The following WWP2 variants were observed in gnomAD, a reference collection of about 807,000 sequenced individuals.
WWP2 encodes NEDD4-like E3 ubiquitin-protein ligase WWP2.
In WWP2, 57 loss-of-function variants were observed where a neutral mutation model predicts 121.0. That is an observed-to-expected ratio of 0.47 (90% CI 0.38 to 0.59). WWP2 has a LOEUF of 0.59. Among genes scored for constraint, WWP2 ranks in the 20% least tolerant of loss-of-function variants. The probability of loss-of-function intolerance (pLI) is 0.00; values close to 1 mark genes in which losing one functional copy is unlikely to be tolerated. For missense variants in WWP2, 962 were observed against 1,158.9 expected, an observed-to-expected ratio of 0.83 and a Z score of 2.47; for synonymous variants, 449 against 441.3, an observed-to-expected ratio of 1.02 and a Z score of -0.22.
chr16:69,885,961 C>T (rs984958471), intron 7 of WWP2, among the ~76,000 whole-genome samples: 1 of 152,096 alleles, frequency 6.6e-6, no homozygotes, highest in African/African-American at 2.4e-5. Flanking sequence ...CTAGAAGAGG[C>T]AGTAGATGAT....
At position 69,931,054 on chromosome 16, in the gene WWP2, A is replaced by G. The variant is rs1412859060; in HGVS notation, c.1446-98A>G. On this transcript the variant is annotated intron_variant, in intron 13 of 23. Coordinates refer to ENST00000359154, the MANE Select transcript of WWP2 (RefSeq NM_001270454.2). ...TCCTCACCTTACATTACTAATCTTT[A>G]AATTAACATAGCACCAGCTTTCCTT... 3 of 1,166,474 alleles carry G rather than the reference A, an allele frequency of 2.6e-6. No homozygotes were observed. The Admixed American group carries it at 5.9e-5, about 23-fold the overall frequency. 72.3% of individuals were successfully genotyped at this position (1,166,474 alleles called of 1,614,324 possible). A position where few individuals can be genotyped will look rare whatever the true frequency, so the allele number is the denominator to read the frequency against.
intron 9 of WWP2, chr16:69,910,496 A>G (rs1331443513): frequency 1.0e-5 from 4 of 394,250 alleles, no homozygotes; most frequent in African/African-American, 9.0e-5. Flanking sequence ...TGCAACCTCC[A>G]CCTCCTGGGT....
intron 11 of WWP2, among the ~76,000 whole-genome samples, chr16:69,927,577 G>T (rs1215450320): frequency 6.6e-6 from 1 of 152,268 alleles, no homozygotes; most frequent in Non-Finnish European, 1.5e-5. Flanking sequence ...CAGCAGCAGT[G>T]CCAGAAATGA....
rs200391227 is a variant in WWP2, at chr16:69,931,792, G to C, written c.1594-10G>C. The C allele has an allele frequency of 3.3e-5, 53 of 1,613,432 alleles. No homozygotes were observed. Among genetic ancestry groups the C allele is most frequent in the Non-Finnish European group, 3.8e-5 (45 of 1,179,944 alleles). ...GAGTGGCAGGCTGGCCCGATGCTCTGTCTTCCCAGATCATGAACATGAAAC... is the reference window on the plus strand; with the variant it reads ...GAGTGGCAGGCTGGCCCGATGCTCTCTCTTCCCAGATCATGAACATGAAAC... On this transcript the variant is annotated splice_polypyrimidine_tract_variant and intron_variant, in intron 15 of 23. Transcript: ENST00000359154.
intron 6 of WWP2, among the ~76,000 whole-genome samples, chr16:69,852,438 A>AT (rs899752585): frequency 6.6e-6 from 1 of 151,804 alleles, no homozygotes; most frequent in East Asian, 1.9e-4. Context: ...CGCCCAGCTA[A>AT]TTTTTTTGTA....
Position 69,818,002 on chromosome 16 carries a change from T to A in WWP2, c.340+18707T>A, listed in dbSNP as rs117381867. Among the ~76,000 whole-genome samples, 11 of 152,218 alleles carry A rather than the reference T, an allele frequency of 7.2e-5. No individual in the cohort carries two copies. The East Asian group carries it at 2.1e-3, about 29-fold the overall frequency. Reference sequence around the variant, plus strand: ...AGGTGGGCGTGTTTCAAGTTTTTGATGCCTGCTGCCTGTGTCCATGGCAGA... The same window carrying A: ...AGGTGGGCGTGTTTCAAGTTTTTGAAGCCTGCTGCCTGTGTCCATGGCAGA... On this transcript the variant is annotated intron_variant, in intron 4 of 23. Transcript: ENST00000359154.
intron 6 of WWP2, among the ~76,000 whole-genome samples, chr16:69,856,289 G>A (rs528511606): frequency 2.0e-5 from 3 of 152,264 alleles, no homozygotes; most frequent in African/African-American, 7.2e-5. Context: ...ATCTGAAGAT[G>A]TGGGGGCATT....
At chr16:69,769,316 CAAAAAAAAAAAA>C (rs1186524809) in intron 1 of WWP2, among the ~76,000 whole-genome samples, 5 of 76,400 alleles carry the variant, frequency 6.5e-5, no homozygotes, top group African/African-American at 2.3e-4. Context: ...GACTCCATCT[CAAAAAAAAAAAA>C]AAAAAAAAAA....
chr16:69,864,061 C>A (rs1250554503), intron 6 of WWP2, among the ~76,000 whole-genome samples: 2 of 152,146 alleles, frequency 1.3e-5, no homozygotes, highest in Non-Finnish European at 2.9e-5. Flanking sequence ...TTTCATTTCT[C>A]ATGGGTAAAT....
At chr16:69,764,661 ATATT>A (rs1476762222) in intron 1 of WWP2, among the ~76,000 whole-genome samples, 4 of 152,192 alleles carry the variant, frequency 2.6e-5, no homozygotes, top group African/African-American at 7.2e-5. Context: ...CATTCAGTGA[ATATT>A]TATAAGTACC....
At chr16:69,899,233 C>T (rs1041469142) in intron 8 of WWP2, among the ~76,000 whole-genome samples, 3 of 152,098 alleles carry the variant, frequency 2.0e-5, no homozygotes, top group African/African-American at 4.8e-5. Flanking sequence ...TTACAGGCCA[C>T]ACTTGGTGGT....
chr16:69,931,492 TC>T lies in WWP2; in HGVS notation c.1522-16del. 6.2e-7 allele frequency: 1 copy of T among 1,611,912 alleles called. No homozygotes were observed. The highest frequency in any genetic ancestry group is 8.5e-7 in the Non-Finnish European group (1 of 1,178,790). On this transcript the variant is annotated splice_polypyrimidine_tract_variant and intron_variant, in intron 14 of 23. Transcript: ENST00000359154. ...CTTGAGGCTCGATTTAAAGTTCTTTTCTTTTTTTTTTTTCAGTCAAATGCCC... is the reference window on the plus strand; with the variant it reads ...CTTGAGGCTCGATTTAAAGTTCTTTTTTTTTTTTTTTTCAGTCAAATGCCC...
At chr16:69,828,106 A>G in intron 4 of WWP2, 1 of 362,082 alleles carries the variant, frequency 2.8e-6, no homozygotes, top group Non-Finnish European at 5.3e-6. Flanking sequence ...GTGTAGCTGG[A>G]TGGGCCTTGC....
rs146414353 is a variant in WWP2 at position 69,844,243 on chromosome 16, G to A, written c.575+2123G>A. On this transcript the variant is annotated intron_variant, in intron 6 of 23. Transcript: ENST00000359154. ...GGGGTGATGAATGACAGTGTAACTGGCAAATCTTGTGTCAACAAAGCCATG... is the reference window on the plus strand; with the variant it reads ...GGGGTGATGAATGACAGTGTAACTGACAAATCTTGTGTCAACAAAGCCATG... Among the ~76,000 whole-genome samples, 290 of 152,276 alleles carry A rather than the reference G, an allele frequency of 1.9e-3. 5 individuals carry two copies. The highest frequency in any genetic ancestry group is 6.9e-4 in the Non-Finnish European group (47 of 68,024).
Position 69,799,416 on chromosome 16 carries a change from G to A in WWP2, c.340+121G>A. ...GGCTGCAGTACCTCTGTTCTCCTTG[G>A]ATGCTGTCTTTGGAGTTTTGGGAAG... On this transcript the variant is annotated intron_variant, in intron 4 of 23. Coordinates refer to ENST00000359154, the MANE Select transcript of WWP2 (RefSeq NM_001270454.2). This position sits in a 1 kb window ranked among gnomAD's most constrained non-coding sequence, Gnocchi z 4.5. The A allele has an allele frequency of 7.2e-7, 1 of 1,383,726 alleles. No individual in the cohort carries two copies. The highest frequency in any genetic ancestry group is 1.5e-5 in the South Asian group (1 of 67,700). The allele number at this position is 1,383,726 out of a possible 1,614,324, so 85.7% of individuals were successfully genotyped here.
intron 6 of WWP2, among the ~76,000 whole-genome samples, chr16:69,852,675 TCA>T (rs1203632902): frequency 1.7e-5 from 1 of 58,800 alleles, no homozygotes; most frequent in Non-Finnish European, 3.7e-5. Context: ...ATCTGGTTGT[TCA>T]TGTTCTTATT....
Position 69,935,837 on chromosome 16 carries a change from G to A in WWP2, c.1843-16G>A. The A allele has an allele frequency of 1.2e-6, 2 of 1,607,132 alleles. No homozygotes were observed. ...AGGGAAGGCCAAACCTCTGTGCTGT[G>A]CCTCTTCCTTCCCAGGCGCTGTACC... On this transcript the variant is annotated splice_polypyrimidine_tract_variant and intron_variant, in intron 17 of 23. Transcript: ENST00000359154. This position sits in a 1 kb window ranked among gnomAD's most constrained non-coding sequence, Gnocchi z 5.2.
At chr16:69,863,056 A>G (rs1459503981) in intron 6 of WWP2, among the ~76,000 whole-genome samples, 1 of 152,064 alleles carries the variant, frequency 6.6e-6, no homozygotes, top group Non-Finnish European at 1.5e-5. Flanking sequence ...TTTGGGAGAG[A>G]TATGTCCCTA....
chr16:69,794,399 C>T (rs963960421), intron 2 of WWP2, among the ~76,000 whole-genome samples: 1 of 152,070 alleles, frequency 6.6e-6, no homozygotes, highest in South Asian at 2.1e-4. Flanking sequence ...CATGGTGGCT[C>T]ACACCTGTAG....
Sources: gnomAD v4.1 joint callset for allele counts (sites outside exome capture counted in the v4.1 genomes callset) on GRCh38, gnomAD v4.1.1 for gene constraint, Gnocchi (gnomAD v3.1) non-coding constraint, MANE v1.5 for transcripts, NCBI Gene and HGNC (gene_info 2026-07-23, HGNC 2026-07-21) for gene names.